SPMAP2L: variants seen among roughly 807,000 people sequenced by gnomAD.
SPMAP2L encodes sperm microtubule associated protein 2 like, also known as sperm microtubule associated protein 2-like.
the SPMAP2L span, among the ~76,000 whole-genome samples, chr4:56,541,702 G>A: frequency 6.6e-6 from 1 of 152,128 alleles, no homozygotes; most frequent in African/African-American, 2.4e-5. Flanking sequence ...CAGATACCAT[G>A]TCATTTTACC....
the SPMAP2L span, chr4:56,530,658 A>G: frequency 6.5e-6 from 10 of 1,529,778 alleles, no homozygotes; most frequent in African/African-American, 5.5e-5. Flanking sequence ...CCCGCGCGCG[A>G]CAGAAGCTTC....
the SPMAP2L span, among the ~76,000 whole-genome samples, chr4:56,577,510 A>G: frequency 1.3e-5 from 2 of 152,096 alleles, no homozygotes; most frequent in Non-Finnish European, 2.9e-5. Flanking sequence ...TCCATTAAAA[A>G]GGGAGGTGGA....
chr4:56,624,363 A>G, the SPMAP2L span, among the ~76,000 whole-genome samples: 5 of 152,238 alleles, frequency 3.3e-5, no homozygotes, highest in Admixed American at 6.5e-5. Flanking sequence ...GATGCAGTAG[A>G]AAAGAAAAGC....
chr4:56,617,361 T>C, the SPMAP2L span, among the ~76,000 whole-genome samples: 3 of 152,232 alleles, frequency 2.0e-5, no homozygotes, highest in Non-Finnish European at 4.4e-5. Context: ...AATGTCGTTG[T>C]GCAGCACATG....
At chr4:56,583,487 A>C in the SPMAP2L span, among the ~76,000 whole-genome samples, 1 of 152,174 alleles carries the variant, frequency 6.6e-6, no homozygotes, top group East Asian at 1.9e-4. Flanking sequence ...TCTCAGCAAA[A>C]AAACAAAACC....
chr4:56,581,540 A>T, the SPMAP2L span, among the ~76,000 whole-genome samples: 5 of 152,020 alleles, frequency 3.3e-5, no homozygotes, highest in East Asian at 5.8e-4. Context: ...GGATTGCTTG[A>T]GCCTGGGAGA....
chr4:56,555,652 T>C, the SPMAP2L span, among the ~76,000 whole-genome samples: 1 of 152,184 alleles, frequency 6.6e-6, no homozygotes, highest in Non-Finnish European at 1.5e-5. Flanking sequence ...TTTTGTAGTT[T>C]TCCTCATATA....
chr4:56,617,612 C>T, the SPMAP2L span, among the ~76,000 whole-genome samples: 3 of 152,118 alleles, frequency 2.0e-5, no homozygotes, highest in Non-Finnish European at 4.4e-5. Flanking sequence ...CAGCTGAAGA[C>T]CCAGTGGGCA....
the SPMAP2L span, chr4:56,531,240 C>T: frequency 6.9e-7 from 1 of 1,454,610 alleles, no homozygotes; most frequent in African/African-American, 1.4e-5. Flanking sequence ...GCTGAGCACC[C>T]ACGCCCCATC....
the SPMAP2L span, among the ~76,000 whole-genome samples, chr4:56,569,354 A>AAGT: frequency 2.0e-5 from 3 of 152,210 alleles, no homozygotes; most frequent in Non-Finnish European, 4.4e-5. Context: ...CCTATGTGTG[A>AAGT]AGTAGTACTC....
chr4:56,569,371 G>T, the SPMAP2L span, among the ~76,000 whole-genome samples: 228 of 152,192 alleles, frequency 1.5e-3, no homozygotes, highest in African/African-American at 5.3e-3. Flanking sequence ...ACTCATTGTG[G>T]TTTTGATTTG....
the SPMAP2L span, chr4:56,530,625 G>T: frequency 1.3e-6 from 2 of 1,505,468 alleles, no homozygotes; most frequent in South Asian, 1.3e-5. Flanking sequence ...ACTGCGCCTG[G>T]GCAACCAGTC....
chr4:56,603,056 A>T, the SPMAP2L span, among the ~76,000 whole-genome samples: 660 of 152,334 alleles, frequency 4.3e-3, 2 homozygotes, highest in African/African-American at 0.015. Flanking sequence ...ACTTCATTTA[A>T]CTGAGTCTTG....
At chr4:56,549,088 A>G in the SPMAP2L span, among the ~76,000 whole-genome samples, 1 of 149,772 alleles carries the variant, frequency 6.7e-6, no homozygotes, top group Non-Finnish European at 1.5e-5. Flanking sequence ...TCCCGGGTTC[A>G]AGTGATTCTC....
chr4:56,544,343 G>A, the SPMAP2L span, among the ~76,000 whole-genome samples: 37 of 152,106 alleles, frequency 2.4e-4, no homozygotes, highest in Non-Finnish European at 5.0e-4. Flanking sequence ...AATTGAGAAA[G>A]CACCTCTTAA....
At chr4:56,547,842 AC>A in the SPMAP2L span, among the ~76,000 whole-genome samples, 1 of 152,110 alleles carries the variant, frequency 6.6e-6, no homozygotes, top group Non-Finnish European at 1.5e-5. Context: ...AAACAAAAAA[AC>A]AAAAAAACCC....
the SPMAP2L span, among the ~76,000 whole-genome samples, chr4:56,561,912 C>T: frequency 2.6e-5 from 4 of 151,922 alleles, no homozygotes; most frequent in South Asian, 4.2e-4. Context: ...TTAATAGAGA[C>T]GGGGTTTCAT....
the SPMAP2L span, among the ~76,000 whole-genome samples, chr4:56,577,898 T>A: frequency 6.6e-6 from 1 of 152,218 alleles, no homozygotes; most frequent in East Asian, 1.9e-4. Context: ...GGCAGGAGAA[T>A]TGCTTGAGCC....
At chr4:56,562,523 G>A in the SPMAP2L span, among the ~76,000 whole-genome samples, 1 of 152,046 alleles carries the variant, frequency 6.6e-6, no homozygotes, top group African/African-American at 2.4e-5. Flanking sequence ...TATTTATTCA[G>A]TATTTGTATT....
Sources: gnomAD v4.1 joint callset for allele counts (sites outside exome capture counted in the v4.1 genomes callset) on GRCh38, gnomAD v4.1.1 for gene constraint, MANE v1.5 for transcripts, NCBI Gene and HGNC (gene_info 2026-07-23, HGNC 2026-07-21) for gene names.